The following SLCO3A1 variants were observed in gnomAD, a reference collection of about 807,000 sequenced individuals.
SLCO3A1 encodes the protein solute carrier organic anion transporter family member 3A1.
A neutral mutation model predicts 63.1 loss-of-function variants in SLCO3A1; 27 were observed. The observed-to-expected ratio is 0.43, with a 90% confidence interval of 0.32 to 0.59. SLCO3A1 has a LOEUF of 0.59. Ranked by LOEUF, SLCO3A1 falls within the 20% of genes least tolerant of loss-of-function variation. The pLI, the probability that SLCO3A1 is intolerant of heterozygous loss-of-function variation, is 0.09. For missense variants in SLCO3A1, 773 were observed against 945.8 expected, an observed-to-expected ratio of 0.82 and a Z score of 2.40; for synonymous variants, 473 against 409.9, an observed-to-expected ratio of 1.15 and a Z score of -1.86.
At chr15:92,058,845 G>A (rs1013611769) in intron 2 of SLCO3A1, among the ~76,000 whole-genome samples, 7 of 152,136 alleles carry the variant, frequency 4.6e-5, no homozygotes, top group African/African-American at 7.2e-5. Flanking sequence ...AATGCGAGGT[G>A]TTATTTGGCT....
intron 2 of SLCO3A1, among the ~76,000 whole-genome samples, chr15:92,002,774 T>C (rs55708245): frequency 0.21 from 31,811 of 152,158 alleles, 3,706 homozygotes; most frequent in East Asian, 0.4. Context: ...ATGCATCTCT[T>C]TTTCAATTAA....
intron 2 of SLCO3A1, among the ~76,000 whole-genome samples, chr15:92,092,552 G>A (rs1030602043): frequency 6.6e-6 from 1 of 152,038 alleles, no homozygotes; most frequent in African/African-American, 2.4e-5. Flanking sequence ...ACCACAGCCT[G>A]CAGCCTGGAT....
intron 2 of SLCO3A1, among the ~76,000 whole-genome samples, chr15:92,027,383 C>T (rs2046588092): frequency 1.3e-5 from 2 of 152,230 alleles, no homozygotes; most frequent in African/African-American, 4.8e-5. Context: ...CGTTGTCCCA[C>T]ATAAATCTCA....
chr15:91,878,549 C>T (rs1446501492), intron 1 of SLCO3A1, among the ~76,000 whole-genome samples: 1 of 152,210 alleles, frequency 6.6e-6, no homozygotes, highest in Non-Finnish European at 1.5e-5. Context: ...TGATGGGACA[C>T]TTGAAGCTTC....
chr15:91,926,999 A>G (rs973872047), intron 2 of SLCO3A1, among the ~76,000 whole-genome samples: 1 of 152,146 alleles, frequency 6.6e-6, no homozygotes, highest in Non-Finnish European at 1.5e-5. Flanking sequence ...GGAGTGACAG[A>G]TGGCATTTAG....
intron 4 of SLCO3A1, among the ~76,000 whole-genome samples, chr15:92,105,551 A>G (rs2047657687): frequency 6.6e-6 from 1 of 152,134 alleles, no homozygotes; most frequent in African/African-American, 2.4e-5. Context: ...CTTCGGCACA[A>G]TCCTTTAAAG....
At chr15:91,892,802 GAA>G (rs1897903846) in intron 1 of SLCO3A1, among the ~76,000 whole-genome samples, 1 of 152,186 alleles carries the variant, frequency 6.6e-6, no homozygotes, top group Non-Finnish European at 1.5e-5. Context: ...GTAAGTTTCT[GAA>G]ATCTCTCTGT....
intron 2 of SLCO3A1, among the ~76,000 whole-genome samples, chr15:91,958,751 T>C (rs1468886237): frequency 6.6e-6 from 1 of 152,102 alleles, no homozygotes; most frequent in Non-Finnish European, 1.5e-5. Flanking sequence ...ATGGCCATAA[T>C]TAAAAAGTCA....
intron 2 of SLCO3A1, among the ~76,000 whole-genome samples, chr15:91,960,420 T>G (rs975893141): frequency 1.3e-5 from 2 of 152,222 alleles, no homozygotes; most frequent in Admixed American, 6.5e-5. Context: ...ACTTTTTCAC[T>G]GTGAAGAATA....
chr15:92,074,574 T>A (rs1596077196), intron 2 of SLCO3A1, among the ~76,000 whole-genome samples: 1 of 152,178 alleles, frequency 6.6e-6, no homozygotes. Flanking sequence ...GTTACCTTTT[T>A]TAGAGGAGAC....
chr15:92,158,171 A>C (rs2048395143), intron 9 of SLCO3A1, among the ~76,000 whole-genome samples: 1 of 152,216 alleles, frequency 6.6e-6, no homozygotes, highest in South Asian at 2.1e-4. Flanking sequence ...ATGTATTAGC[A>C]ACCCCAGAGA....
chr15:92,074,635 C>T (rs1051387967), intron 2 of SLCO3A1, among the ~76,000 whole-genome samples: 9 of 152,236 alleles, frequency 5.9e-5, no homozygotes, highest in African/African-American at 2.2e-4. Flanking sequence ...GTTAGAACCC[C>T]GATGCTCAGA....
intron 7 of SLCO3A1, among the ~76,000 whole-genome samples, 194 bp downstream of exon 7, chr15:92,128,683 G>T (rs1240026007): frequency 1.3e-5 from 2 of 152,178 alleles, no homozygotes; most frequent in Non-Finnish European, 2.9e-5. Flanking sequence ...GGGTTTGTAG[G>T]AAGTCTCATT....
chr15:91,960,340 C>T (rs1359479433), intron 2 of SLCO3A1, among the ~76,000 whole-genome samples: 1 of 152,190 alleles, frequency 6.6e-6, no homozygotes, highest in African/African-American at 2.4e-5. Flanking sequence ...AAGGTCCATC[C>T]ATGTTGTAAT....
intron 2 of SLCO3A1, among the ~76,000 whole-genome samples, chr15:91,923,734 G>T (rs1202253637): frequency 6.6e-6 from 1 of 152,130 alleles, no homozygotes; most frequent in Non-Finnish European, 1.5e-5. Context: ...CAGTAGTTAG[G>T]TATATTTTAT....
rs371705987 is a variant in SLCO3A1 at position 92,146,989 on chromosome 15, C to G, written c.1518C>G (p.Leu506=). 1 of 1,610,360 alleles carries G rather than the reference C, an allele frequency of 6.2e-7. No homozygotes were observed. The highest frequency in any genetic ancestry group is 8.5e-7 in the Non-Finnish European group (1 of 1,178,332). The part of the protein sequence containing the change: ...ACFAGCNSTN[L]TGCACLTTVP... The stretch of plus-strand genomic sequence containing the variant: ...GCTGAACGCTTCCCTTTCAGAATCT[C>G]ACGGGCTGTGCGTGCCTCACCACCG... Residue 506 remains leucine (L), a synonymous_variant, in exon 8 of 10, where the codon CTC becomes CTG. Coordinates refer to ENST00000318445, the MANE Select transcript of SLCO3A1 (RefSeq NM_013272.4).
At chr15:91,898,164 G>T (rs558718900) in intron 1 of SLCO3A1, among the ~76,000 whole-genome samples, 24 of 151,954 alleles carry the variant, frequency 1.6e-4, no homozygotes, top group African/African-American at 5.8e-4. Context: ...AGAGCCGTGT[G>T]CCTGTGTCAC....
At chr15:92,128,568 G>A (rs1465587658) in intron 7 of SLCO3A1, 79 bp downstream of exon 7, 1 of 1,334,300 alleles carries the variant, frequency 7.5e-7, no homozygotes, top group Non-Finnish European at 1.0e-6. Flanking sequence ...TGCCCAGGTT[G>A]TTCGCCTTCC....
At chr15:92,136,210 A>G (rs1172573266) in intron 7 of SLCO3A1, among the ~76,000 whole-genome samples, 1 of 152,206 alleles carries the variant, frequency 6.6e-6, no homozygotes, top group Non-Finnish European at 1.5e-5. Context: ...TCTACCTTTC[A>G]AGTTTCCATA....
Sources: gnomAD v4.1 joint callset for allele counts (sites outside exome capture counted in the v4.1 genomes callset) on GRCh38, gnomAD v4.1.1 for gene constraint, MANE v1.5 for transcripts, NCBI Gene and HGNC (gene_info 2026-07-23, HGNC 2026-07-21) for gene names.